The following NEDD9 variants were observed in gnomAD, a reference collection of about 807,000 sequenced individuals.
NEDD9 encodes enhancer of filamentation 1.
In NEDD9, 26 loss-of-function variants were observed where a neutral mutation model predicts 76.6. The observed-to-expected ratio is 0.34, with a 90% CI of 0.25 to 0.47. The LOEUF (loss-of-function observed/expected upper bound fraction) is 0.47, where lower values mean the gene tolerates loss of function less well. Ranked by LOEUF, NEDD9 falls within the 20% of genes least tolerant of loss-of-function variation. NEDD9 has a pLI of 1.00. For missense variants in NEDD9, 937 were observed against 1,058.5 expected, an observed-to-expected ratio of 0.89 and a Z score of 1.59; for synonymous variants, 392 against 414.2, an observed-to-expected ratio of 0.95 and a Z score of 0.65.
chr6:11,356,116 T>C (rs924268266), intron 1 of NEDD9, among the ~76,000 whole-genome samples: 2 of 152,186 alleles, frequency 1.3e-5, no homozygotes, highest in Non-Finnish European at 2.9e-5. Context: ...TTGGAGTTTC[T>C]CTTGTATGTG....
intron 2 of NEDD9, among the ~76,000 whole-genome samples, chr6:11,195,547 C>G (rs1758271575): frequency 6.6e-6 from 1 of 152,004 alleles, no homozygotes; most frequent in Non-Finnish European, 1.5e-5. Context: ...AGAGCGCTGT[C>G]TTGGCTTTAT....
intron 1 of NEDD9, among the ~76,000 whole-genome samples, chr6:11,336,561 G>A (rs1762165151): frequency 6.6e-6 from 1 of 152,188 alleles, no homozygotes; most frequent in Admixed American, 6.5e-5. Context: ...ACCATGAATG[G>A]TGCTTGCAGG....
chr6:11,237,032 AC>A (rs920915838), upstream of NEDD9, among the ~76,000 whole-genome samples: 19 of 151,090 alleles, frequency 1.3e-4, no homozygotes, highest in African/African-American at 3.2e-4. The surrounding 1 kb of genome is among the most constrained non-coding windows in gnomAD (Gnocchi z 4.9). Flanking sequence ...GCTGAGAATG[AC>A]CCCCCTTCAC....
rs1200787935 is a variant in NEDD9 at position 11,252,864 on chromosome 6, C to T, written c.13-39137G>A. ...TAAAAATAAATAAATAAAAATTAGA[C>T]ACAGAAATGGAAGTGATAGGAATGT... On this transcript the variant is annotated intron_variant, in intron 3 of 3. Transcript: ENST00000397378. The surrounding 1 kb of genome is among the most constrained non-coding windows in gnomAD (Gnocchi z 4.3). Among the ~76,000 whole-genome samples, 1 of 152,012 alleles carries T rather than the reference C, an allele frequency of 6.6e-6. No homozygotes were observed. Among genetic ancestry groups the T allele is most frequent in the Non-Finnish European group, 1.5e-5 (1 of 68,000 alleles).
chr6:11,370,500 C>T lies in NEDD9; in HGVS notation c.-214+11639G>A, dbSNP rs1201055518. On this transcript the variant is annotated intron_variant, in intron 1 of 3. Coordinates refer to the NEDD9 transcript ENST00000397378. This position sits in a 1 kb window ranked among gnomAD's most constrained non-coding sequence, Gnocchi z 4.2. ...ATTCCAGTCCAAATGGTTCCCTCAC[C>T]GACCCACTAGGTGCACAAGGCTCTC... Among the ~76,000 whole-genome samples, 3 of 152,156 alleles carry T rather than the reference C, an allele frequency of 2.0e-5. No individual in the cohort carries two copies. The highest frequency in any genetic ancestry group is 2.9e-5 in the Non-Finnish European group (2 of 68,030).
chr6:11,252,532 G>C lies in NEDD9; in HGVS notation c.13-38805C>G, dbSNP rs1312321377. Among the ~76,000 whole-genome samples, 1 of 152,196 alleles carries C rather than the reference G, an allele frequency of 6.6e-6. No homozygotes were observed. Among genetic ancestry groups the C allele is most frequent in the African/African-American group, 2.4e-5 (1 of 41,452 alleles). On this transcript the variant is annotated intron_variant, in intron 3 of 3. Coordinates refer to the NEDD9 transcript ENST00000397378. This position sits in a 1 kb window ranked among gnomAD's most constrained non-coding sequence, Gnocchi z 4.3. ...CAGCTACCTCCCATGCCTCCTGGAA[G>C]CACCCCCTTCCATGGTCAAAGAAAC...
At chr6:11,341,929 T>A (rs1438243216) in intron 1 of NEDD9, among the ~76,000 whole-genome samples, 1 of 152,060 alleles carries the variant, frequency 6.6e-6, no homozygotes, top group Non-Finnish European at 1.5e-5. Flanking sequence ...ATTCAAAAAA[T>A]ATATTAATTA....
At chr6:11,220,548 A>T (rs1448476893) in intron 1 of NEDD9, among the ~76,000 whole-genome samples, 1 of 152,230 alleles carries the variant, frequency 6.6e-6, no homozygotes, top group Non-Finnish European at 1.5e-5. Flanking sequence ...GTGTGGTTGT[A>T]GATCCAGGGC....
At chr6:11,220,591 A>G (rs114830384) in intron 1 of NEDD9, among the ~76,000 whole-genome samples, 1,532 of 152,288 alleles carry the variant, frequency 0.01, 28 homozygotes, top group African/African-American at 0.035. Context: ...ACACTGGCCA[A>G]TCCTGTCTGA....
At chr6:11,333,881 T>C (rs1762098043) in intron 2 of NEDD9, among the ~76,000 whole-genome samples, 1 of 152,248 alleles carries the variant, frequency 6.6e-6, no homozygotes, top group Non-Finnish European at 1.5e-5. Context: ...TAACATATAT[T>C]CACAGATCCT....
chr6:11,241,118 C>T lies in NEDD9; in HGVS notation c.13-27391G>A, dbSNP rs1339317804. ...TTTTACAAAGGTTGAAGTGATCTGC[C>T]AACATCAAATAAACAGGAATGGACT... is the stretch of plus-strand genomic sequence containing the variant. On this transcript the variant is annotated intron_variant, in intron 3 of 3. Coordinates refer to the NEDD9 transcript ENST00000397378. This position sits in a 1 kb window ranked among gnomAD's most constrained non-coding sequence, Gnocchi z 4.0. Among the ~76,000 whole-genome samples the T allele has an allele frequency of 6.6e-6, 1 of 152,164 alleles. No individual in the cohort carries two copies. The highest frequency in any genetic ancestry group is 1.5e-5 in the Non-Finnish European group (1 of 68,032).
At chr6:11,319,761 CT>C (rs1442838749) in intron 2 of NEDD9, among the ~76,000 whole-genome samples, 3 of 151,356 alleles carry the variant, frequency 2.0e-5, no homozygotes, top group African/African-American at 4.9e-5. Context: ...AACATGCACA[CT>C]AACATGCACA....
At chr6:11,372,867 C>T (rs1486642777) in intron 1 of NEDD9, among the ~76,000 whole-genome samples, 1 of 152,168 alleles carries the variant, frequency 6.6e-6, no homozygotes, top group Non-Finnish European at 1.5e-5. Flanking sequence ...CCCATGGCCA[C>T]ATATATCATG....
intron 2 of NEDD9, among the ~76,000 whole-genome samples, chr6:11,322,945 A>C (rs1761842473): frequency 6.6e-6 from 1 of 152,252 alleles, no homozygotes; most frequent in Non-Finnish European, 1.5e-5. Context: ...GGTCTTGGGC[A>C]AGTTACTTAT....
At chr6:11,266,455 A>G (rs928988004) in intron 3 of NEDD9, among the ~76,000 whole-genome samples, 17 of 151,988 alleles carry the variant, frequency 1.1e-4, no homozygotes, top group East Asian at 7.7e-4. Flanking sequence ...ATGCTGAGAA[A>G]CCCTGCCCCA....
chr6:11,326,696 C>T (rs191685253), intron 2 of NEDD9, among the ~76,000 whole-genome samples: 2 of 152,322 alleles, frequency 1.3e-5, no homozygotes, highest in East Asian at 3.9e-4. Flanking sequence ...TCACTGAGAA[C>T]ACAGGAGCAC....
In NEDD9 at chr6:11,193,647, G is replaced by A. The variant is rs759989203; in HGVS notation, c.505C>T (p.Pro169Ser). The A allele has an allele frequency of 3.1e-6, 5 of 1,613,998 alleles. 1 individual carries two copies. In the South Asian group the frequency reaches 5.5e-5, roughly 18 times the overall value. The change falls in exon 3 of 7, where the codon CCA becomes TCA. Residue 169 changes from proline to serine, a missense_variant. Coordinates refer to ENST00000379446, the MANE Select transcript of NEDD9 (RefSeq NM_006403.4). ...TAGACGTCCTTTTGGTATCTGGATG[G>A]GTACTCGTATACGTAGCCATGGCCT... is the stretch of plus-strand genomic sequence containing the variant. ...RTGHGYVYEYPSRYQKDVYDI... is the reference protein window; with the variant it reads ...RTGHGYVYEYSSRYQKDVYDI...
chr6:11,255,781 G>A (rs1759991846), intron 3 of NEDD9, among the ~76,000 whole-genome samples: 1 of 152,058 alleles, frequency 6.6e-6, no homozygotes, highest in Non-Finnish European at 1.5e-5. Context: ...ATGTATTTAA[G>A]CAGGAGTGTA....
upstream of NEDD9, chr6:11,233,468 C>T (rs762324349): frequency 1.3e-5 from 7 of 518,756 alleles, no homozygotes; most frequent in Non-Finnish European, 2.7e-5. Context: ...TCACCGTCCA[C>T]TGAGTTCTGT....
Sources: gnomAD v4.1 joint callset for allele counts (sites outside exome capture counted in the v4.1 genomes callset) on GRCh38, gnomAD v4.1.1 for gene constraint, Gnocchi (gnomAD v3.1) non-coding constraint, MANE v1.5 for transcripts, NCBI Gene and HGNC (gene_info 2026-07-23, HGNC 2026-07-21) for gene names.